ZNF841: variants seen among roughly 807,000 people sequenced by gnomAD.
The protein encoded by ZNF841 is zinc finger protein 841.
Under a neutral mutation model 13.0 loss-of-function variants are expected in ZNF841, and 11 were observed. The observed-to-expected ratio is 0.85, with a 90% CI of 0.53 to 1.40. The LOEUF (loss-of-function observed/expected upper bound fraction) is 1.40, where lower values mean the gene tolerates loss of function less well. Among genes scored for constraint, ZNF841 ranks in the 40% most tolerant of loss-of-function variants. The pLI is 0.00. For missense variants in ZNF841, 1,068 were observed against 1,139.5 expected (o/e 0.94, Z 0.90); for synonymous variants, 369 against 381.6 (o/e 0.97, Z 0.38).
At position 52,066,324 on chromosome 19, in the gene ZNF841, T is replaced by C; in HGVS notation, c.1558A>G (p.Lys520Glu). ...AGTAATGAGCCCCAATTAAAGGCTTTGCCACATTCATTACATTTGTAAGGT... is the reference window on the plus strand; with the variant it reads ...AGTAATGAGCCCCAATTAAAGGCTTCGCCACATTCATTACATTTGTAAGGT... ...EKPYKCNECG[K>E]AFNWGSLLTV... is the part of the protein sequence containing the mutation. Residue 520 changes from lysine (K) to glutamate (E), a missense_variant, in exon 7 of 7, where the codon AAA becomes GAA. Transcript: ENST00000594440. The C allele has an allele frequency of 6.2e-7, 1 of 1,614,042 alleles. No homozygotes were observed. The highest frequency in any genetic ancestry group is 8.5e-7 in the Non-Finnish European group (1 of 1,179,920).
downstream of ZNF841, among the ~76,000 whole-genome samples, chr19:52,062,254 A>T (rs1297540709): frequency 6.6e-6 from 1 of 152,170 alleles, no homozygotes; most frequent in Admixed American, 6.5e-5. Flanking sequence ...TCTTGTCTGT[A>T]TGCACTTAAA....
the ZNF841 span, among the ~76,000 whole-genome samples, chr19:52,059,370 A>AAAAAAAATATATAT: frequency 2.9e-5 from 2 of 69,642 alleles, no homozygotes; most frequent in African/African-American, 1.6e-4. Flanking sequence ...AAAAAAAAAA[A>AAAAAAAATATATAT]ATATATATAT....
rs1234643387 is a variant in ZNF841 at position 52,078,510 on chromosome 19, T to C, written c.16-1426A>G. 8.6e-5 allele frequency among the ~76,000 whole-genome samples: 13 copies of C among 151,908 alleles called. No individual in the cohort carries two copies. In the East Asian group the frequency reaches 2.3e-3, roughly 27 times the overall value. ...GTCAGGAGATCGAGACCATCCTGGC[T>C]AACACGGTGAAACCCTGTCTCTACT... On this transcript the variant is annotated intron_variant, in intron 4 of 6. Coordinates refer to ENST00000594440, the MANE Select transcript of ZNF841 (RefSeq NM_001136499.2).
At chr19:52,070,112 G>C (rs1443878440) in intron 6 of ZNF841, among the ~76,000 whole-genome samples, 1 of 152,032 alleles carries the variant, frequency 6.6e-6, no homozygotes, top group Non-Finnish European at 1.5e-5. Context: ...CAAGAACCTG[G>C]GTTTGCAAGA....
intron 6 of ZNF841, among the ~76,000 whole-genome samples, chr19:52,074,095 T>C (rs8105801): frequency 0.31 from 47,058 of 152,048 alleles, 7,729 homozygotes; most frequent in South Asian, 0.59. Context: ...ATACTATCAA[T>C]ACAACATTAT....
chr19:52,065,450 T>C lies in ZNF841; in HGVS notation c.2432A>G (p.His811Arg), dbSNP rs2087515640. The change falls in exon 7 of 7, where the codon CAT becomes CGT. Residue 811 changes from histidine (H) to arginine (R), a missense_variant. Physicochemically the swap from His to Arg is conservative, Grantham distance 29. Coordinates refer to ENST00000594440, the MANE Select transcript of ZNF841 (RefSeq NM_001136499.2). ...TTTCTCTCCAGTATGCATCATCTGA[T>C]GATTAAGCAGAATTGAACGTACTCT... Reference protein sequence around the residue: ...AFRVRSILLNHQMMHTGEKPY... With the variant: ...AFRVRSILLNRQMMHTGEKPY... 1 of 1,614,100 alleles carries C rather than the reference T, an allele frequency of 6.2e-7. No individual in the cohort carries two copies. Among genetic ancestry groups the C allele is most frequent in the Non-Finnish European group, 8.5e-7 (1 of 1,180,008 alleles).
chr19:52,076,146 T>A lies in ZNF841; in HGVS notation c.169A>T (p.Ile57Phe), dbSNP rs2123282805. The stretch of plus-strand genomic sequence containing the variant: ...TCTTTCCCTTGCTCCAACATGGAGA[T>A]AATATTCAGGTCAGGAAGACAGAGT... Reference protein sequence around the residue: ...LGLCLPDLNIISMLEQGKEPW... With the variant: ...LGLCLPDLNIFSMLEQGKEPW... Residue 57 changes from isoleucine (I) to phenylalanine (F), a missense_variant, in exon 6 of 7, where the codon ATC (isoleucine) becomes TTC (phenylalanine). By Grantham distance (21) the Ile-to-Phe change is conservative (BLOSUM62 0). Coordinates refer to ENST00000594440, the MANE Select transcript of ZNF841 (RefSeq NM_001136499.2). The A allele has an allele frequency of 6.4e-7, 1 of 1,556,512 alleles. No homozygotes were observed. Among genetic ancestry groups the A allele is most frequent in the South Asian group, 1.2e-5 (1 of 84,436 alleles).
chr19:52,064,247 G>T (rs1485352798), downstream of ZNF841, among the ~76,000 whole-genome samples: 1 of 151,254 alleles, frequency 6.6e-6, no homozygotes, highest in African/African-American at 2.4e-5. Flanking sequence ...TCGGGAGGCT[G>T]AGGCAGGAGA....
In ZNF841 at chr19:52,066,562, C is replaced by T; in HGVS notation, c.1320G>A (p.Gln440=). ...TCTGGTGCCTTACAAGTTGTGAATT[C>T]TGATAAAAGACCTTGCCACATACAT... ...TCDVCGKVFY[Q]NSQLVRHQII... Residue 440 remains glutamine, a synonymous_variant, in exon 7 of 7, where the codon CAG becomes CAA. Transcript: ENST00000594440. 6.2e-7 allele frequency: 1 copy of T among 1,613,266 alleles called. No homozygotes were observed. Among genetic ancestry groups the T allele is most frequent in the South Asian group, 1.1e-5 (1 of 90,996 alleles).
At chr19:52,061,773 C>T (rs868722662), downstream of ZNF841, among the ~76,000 whole-genome samples, 2 of 151,894 alleles carry the variant, frequency 1.3e-5, no homozygotes, top group African/African-American at 4.8e-5. Flanking sequence ...CTCGAACTCC[C>T]GACCTCAGGT....
Position 52,065,928 on chromosome 19 carries a change from G to A in ZNF841, c.1954C>T (p.Pro652Ser). 6.2e-7 allele frequency: 1 copy of A among 1,614,160 alleles called. No homozygotes were observed. Among genetic ancestry groups the A allele is most frequent in the South Asian group, 1.1e-5 (1 of 91,080 alleles). The change falls in exon 7 of 7, where the codon CCT becomes TCT. Residue 652 changes from proline (P) to serine (S), a missense_variant. Physicochemically the swap from Pro to Ser is moderately conservative, Grantham distance 74. Transcript: ENST00000594440. ...RHRKIHTGEK[P>S]YKCNDCGKAY... is the part of the protein sequence containing the mutation. ...TTGCCACAATCATTACATTTATAAG[G>A]TTTCTCTCCGGTATGAATTTTCCGA...
At chr19:52,081,381 G>A (rs914331594) in intron 4 of ZNF841, among the ~76,000 whole-genome samples, 15 of 152,162 alleles carry the variant, frequency 9.9e-5, no homozygotes, top group South Asian at 2.1e-4. Context: ...CACGAGCCAT[G>A]AATACAGAGG....
rs2087498026 is a variant in ZNF841 at position 52,065,123 on chromosome 19, G to C, written c.2759C>G (p.Ser920Cys). ...AAGTATAAATTATTTGGGGATCCCAGAGGTTAGGACAACATCTAACGGCCT... is the reference window on the plus strand; with the variant it reads ...AAGTATAAATTATTTGGGGATCCCACAGGTTAGGACAACATCTAACGGCCT... Reference protein sequence around the residue: ...VERPLDVVLTSGIPK With the variant: ...VERPLDVVLTCGIPK Residue 920 changes from serine to cysteine, a missense_variant, in exon 7 of 7, where the codon TCT becomes TGT. Physicochemically the swap from Ser to Cys is moderately radical, Grantham distance 112 (BLOSUM62 -1). Coordinates refer to ENST00000594440, the MANE Select transcript of ZNF841 (RefSeq NM_001136499.2). 6.5e-7 allele frequency: 1 copy of C among 1,527,644 alleles called. No individual in the cohort carries two copies. The highest frequency in any genetic ancestry group is 1.4e-5 in the African/African-American group (1 of 71,886). 94.6% of individuals were successfully genotyped at this position (1,527,644 alleles called of 1,614,324 possible). A position where few individuals can be genotyped will look rare whatever the true frequency, so the allele number is the denominator to read the frequency against.
intron 6 of ZNF841, among the ~76,000 whole-genome samples, chr19:52,069,925 C>T (rs1036330445): frequency 3.9e-5 from 6 of 152,156 alleles, no homozygotes; most frequent in Non-Finnish European, 5.9e-5. Context: ...TGTTGATACA[C>T]GTTATTAAAC....
intron 6 of ZNF841, among the ~76,000 whole-genome samples, chr19:52,072,448 T>C (rs2087765564): frequency 6.6e-6 from 1 of 152,224 alleles, no homozygotes; most frequent in Non-Finnish European, 1.5e-5. Context: ...TTAAACTTTT[T>C]AAAGACTAAA....
rs2087578992 is a variant in ZNF841, at chr19:52,066,686, T to C, written c.1196A>G (p.Lys399Arg). Residue 399 changes from lysine to arginine, a missense_variant, in exon 7 of 7, where the codon AAA (lysine) becomes AGA (arginine). Transcript: ENST00000594440. ...ATHQTVHTGD[K>R]PYKCNECGKT... ...GCCACATTCATTACATTTGTAGGGTTTGTCTCCAGTATGAACTGTCTGATG... is the reference window on the plus strand; with the variant it reads ...GCCACATTCATTACATTTGTAGGGTCTGTCTCCAGTATGAACTGTCTGATG... The C allele has an allele frequency of 1.2e-6, 2 of 1,611,922 alleles. No individual in the cohort carries two copies. Among genetic ancestry groups the C allele is most frequent in the Non-Finnish European group, 1.7e-6 (2 of 1,178,906 alleles).
intron 4 of ZNF841, among the ~76,000 whole-genome samples, chr19:52,077,962 T>C (rs142786177): frequency 6.6e-6 from 1 of 152,226 alleles, no homozygotes; most frequent in East Asian, 1.9e-4. Flanking sequence ...TGAGAAAACT[T>C]GAAGCAAGTT....
Position 52,067,144 on chromosome 19 carries a change from C to G in ZNF841, c.738G>C (p.Ser246=), listed in dbSNP as rs773515092. The change falls in exon 7 of 7, where the codon TCG becomes TCC. Residue 246 remains serine (S), a synonymous_variant. Transcript: ENST00000594440. ...GTGTTTTCTCGTCTTGTGTAGGTAA[C>G]GAAAGTTGCAAAAAATCATTCCCAT... The part of the protein sequence containing the change: ...RKYGNDFLQL[S]LPTQDEKTHI... 1.6e-5 allele frequency: 25 copies of G among 1,556,672 alleles called. No individual in the cohort carries two copies. In the East Asian group the frequency reaches 6.0e-4, roughly 38 times the overall value.
At chr19:52,071,808 T>C (rs1202366732) in intron 6 of ZNF841, among the ~76,000 whole-genome samples, 1 of 152,168 alleles carries the variant, frequency 6.6e-6, no homozygotes, top group African/African-American at 2.4e-5. Flanking sequence ...CTAAAAGAGA[T>C]ATAGAAAGCA....
Sources: allele counts gnomAD v4.1 joint callset (sites outside exome capture counted in the v4.1 genomes callset), GRCh38; gene constraint gnomAD v4.1.1; transcripts MANE v1.5; gene names NCBI Gene and HGNC (gene_info 2026-07-23, HGNC 2026-07-21).